ANOS1: variants seen among roughly 807,000 people sequenced by gnomAD.
ANOS1 encodes the protein anosmin 1, also known as anosmin-1.
A neutral mutation model predicts 59.0 loss-of-function variants in ANOS1; 6 were observed. That is an observed-to-expected ratio of 0.10 (90% confidence interval 0.06 to 0.20). ANOS1 has a LOEUF of 0.20. Ranked by LOEUF, ANOS1 falls within the 10% of genes least tolerant of loss-of-function variation. ANOS1 has a pLI of 1.00. For missense variants in ANOS1, 433 were observed against 542.3 expected (o/e 0.80, Z 2.00); for synonymous variants, 217 against 223.4 (o/e 0.97, Z 0.25).
Position 8,554,118 on chromosome X carries a change from T to G in ANOS1, c.1208-20A>C. ...GTTCTTCTACAACAAAGTACAACAT[T>G]CTAAGTTACTTGTTAAAAGTAATTA... On this transcript the variant is annotated intron_variant, in intron 8 of 13. Transcript: ENST00000262648. 8.5e-7 allele frequency: 1 copy of G among 1,175,763 alleles called. No individual in the cohort carries two copies. Among genetic ancestry groups the G allele is most frequent in the Non-Finnish European group, 1.2e-6 (1 of 864,051 alleles).
At position 8,570,606 on chromosome X, in the gene ANOS1, C is replaced by T; in HGVS notation, c.955G>A (p.Glu319Lys). The T allele has an allele frequency of 1.7e-6, 2 of 1,210,875 alleles. No individual in the cohort carries two copies. Among genetic ancestry groups the T allele is most frequent in the Non-Finnish European group, 2.2e-6 (2 of 894,874 alleles). The change falls in exon 7 of 14, where the codon GAG becomes AAG. Residue 319 changes from glutamate to lysine, a missense_variant. Glu to Lys is a moderately conservative substitution (Grantham distance 56). Transcript: ENST00000262648. ...TGATGCACAGGGATGTCCGGCTCCT[C>T]GGGGAGATCCCAAACTATAGTGACG... ...VTVTIVWDLP[E>K]EPDIPVHHYK... is the part of the protein sequence containing the mutation.
At chrX:8,576,517 C>CAT (rs1263631697) in intron 6 of ANOS1, among the ~76,000 whole-genome samples, 3 of 107,651 alleles carry the variant, frequency 2.8e-5, no homozygotes, top group African/African-American at 6.9e-5. Context: ...CACACACACA[C>CAT]ATATATAGAT....
intron 2 of ANOS1, among the ~76,000 whole-genome samples, chrX:8,687,806 T>C (rs931411903): frequency 6.2e-5 from 7 of 112,221 alleles, no homozygotes; most frequent in Non-Finnish European, 9.4e-5. Flanking sequence ...ATTGTTTTAG[T>C]TTCAAACAAT....
At chrX:8,696,293 A>G (rs1196854511) in intron 2 of ANOS1, among the ~76,000 whole-genome samples, 2 of 112,454 alleles carry the variant, frequency 1.8e-5, no homozygotes, top group Non-Finnish European at 3.7e-5. Context: ...TAAAAGAGGC[A>G]TTTTGAAATT....
intron 3 of ANOS1, among the ~76,000 whole-genome samples, chrX:8,619,093 A>AAAAAAAAAG (rs1931231004): frequency 1.3e-5 from 1 of 76,989 alleles, no homozygotes; most frequent in South Asian, 6.0e-4. Context: ...AAAAAAAAAA[A>AAAAAAAAAG]AAAAAAAAGA....
intron 1 of ANOS1, among the ~76,000 whole-genome samples, chrX:8,706,136 C>T (rs1167742924): frequency 2.7e-5 from 3 of 112,187 alleles, no homozygotes; most frequent in East Asian, 2.8e-4. Context: ...ACAACACACA[C>T]GGGAAGAATA....
chrX:8,718,978 T>G (rs1368787876), intron 1 of ANOS1, among the ~76,000 whole-genome samples: 2 of 112,251 alleles, frequency 1.8e-5, no homozygotes, highest in Non-Finnish European at 1.9e-5. Flanking sequence ...ATGATTCTAT[T>G]ATCACTATTC....
chrX:8,596,925 A>T, intron 4 of ANOS1, 109 bp downstream of exon 4: 1 of 1,125,753 alleles, frequency 8.9e-7, no homozygotes. Flanking sequence ...TTTTCTAAAG[A>T]TTTTATGTTT....
At chrX:8,684,658 C>G (rs944616795) in intron 2 of ANOS1, among the ~76,000 whole-genome samples, 1 of 110,022 alleles carries the variant, frequency 9.1e-6, no homozygotes, top group Admixed American at 9.7e-5. Flanking sequence ...CCCCCCACCC[C>G]CCGCCTTCCC....
In ANOS1 at chrX:8,531,161, C is replaced by T. The variant is rs1483358318; in HGVS notation, c.*1834G>A. 2 of 109,442 alleles carry T rather than the reference C, an allele frequency of 1.8e-5. No individual in the cohort carries two copies. The highest frequency in any genetic ancestry group is 3.8e-5 in the Non-Finnish European group (2 of 52,604). 9.0% of individuals were successfully genotyped at this position (109,442 alleles called of 1,213,427 possible). ...TACTTGTACAAAGCTGCAAAACATT[C>T]CTGGAATATCCACTTTTTAAATATT... On this transcript the variant is annotated 3_prime_UTR_variant, in exon 14 of 14. Transcript: ENST00000262648.
At chrX:8,552,129 G>A (rs1032908544) in intron 9 of ANOS1, among the ~76,000 whole-genome samples, 1 of 112,085 alleles carries the variant, frequency 8.9e-6, no homozygotes, top group Non-Finnish European at 1.9e-5. Flanking sequence ...AGAAAAATGC[G>A]AATTCAAATA....
chrX:8,691,163 T>G (rs1932601447), intron 2 of ANOS1, among the ~76,000 whole-genome samples: 1 of 106,937 alleles, frequency 9.4e-6, no homozygotes, highest in Non-Finnish European at 1.9e-5. Flanking sequence ...AACCTCCACC[T>G]CCTGGGTTCA....
intron 8 of ANOS1, among the ~76,000 whole-genome samples, chrX:8,565,147 T>C (rs1229498912): frequency 1.8e-5 from 2 of 112,144 alleles, no homozygotes; most frequent in Non-Finnish European, 3.8e-5. Context: ...TCCTTGCTTT[T>C]GGTTCTGGAA....
chrX:8,575,900 T>C (rs1009678901), intron 6 of ANOS1, among the ~76,000 whole-genome samples: 8 of 110,362 alleles, frequency 7.2e-5, no homozygotes, highest in Admixed American at 3.9e-4. Flanking sequence ...GGCCAGGAGC[T>C]CAAGACCAGC....
chrX:8,594,683 TATATATATATATATACAC>T (rs1247060320), intron 4 of ANOS1, among the ~76,000 whole-genome samples: 17 of 62,367 alleles, frequency 2.7e-4, no homozygotes, highest in African/African-American at 1.1e-3. Flanking sequence ...TATATATATA[TATATATATATATATACAC>T]ATATATATAC....
At chrX:8,699,818 T>A in intron 1 of ANOS1, 73 bp from the exon 2 acceptor site, 1 of 790,815 alleles carries the variant, frequency 1.3e-6, no homozygotes, top group South Asian at 2.4e-5. Flanking sequence ...TTTAAAATTA[T>A]AATTTATGCA....
chrX:8,644,721 C>A (rs1395218837), intron 2 of ANOS1, among the ~76,000 whole-genome samples: 1 of 111,778 alleles, frequency 8.9e-6, no homozygotes, highest in Admixed American at 9.5e-5. Flanking sequence ...CTTCTTCAAC[C>A]CCACTGTCCT....
intron 1 of ANOS1, among the ~76,000 whole-genome samples, chrX:8,726,960 T>C (rs1028114012): frequency 1.8e-5 from 2 of 111,857 alleles, no homozygotes; most frequent in Non-Finnish European, 3.8e-5. Context: ...GGTGACCCTA[T>C]GAGGAACCGC....
At chrX:8,616,034 C>T (rs1931168611) in intron 3 of ANOS1, among the ~76,000 whole-genome samples, 1 of 89,542 alleles carries the variant, frequency 1.1e-5, no homozygotes, top group Admixed American at 1.2e-4. Context: ...CTCATTTGCG[C>T]CCCTGATCAC....
Sources: gnomAD v4.1 joint callset for allele counts (sites outside exome capture counted in the v4.1 genomes callset) on GRCh38, gnomAD v4.1.1 for gene constraint, MANE v1.5 for transcripts, NCBI Gene and HGNC (gene_info 2026-07-23, HGNC 2026-07-21) for gene names.